Variants in PLA2G4C observed in about 807,000 individuals in gnomAD.
PLA2G4C encodes cytosolic phospholipase A2 gamma.
In PLA2G4C, 64 loss-of-function variants were observed where a neutral mutation model predicts 73.8. That is an observed-to-expected ratio of 0.87 (90% CI 0.71 to 1.07). The LOEUF is 1.07. Ranked by LOEUF, PLA2G4C falls within the 50% of genes least tolerant of loss-of-function variation. The pLI is 0.00. For missense variants in PLA2G4C, 622 were observed against 665.4 expected, an observed-to-expected ratio of 0.93 and a Z score of 0.72; for synonymous variants, 254 against 252.1, an observed-to-expected ratio of 1.01 and a Z score of -0.07.
chr19:48,079,913 A>T (rs150988102), intron 10 of PLA2G4C, among the ~76,000 whole-genome samples: 236 of 152,350 alleles, frequency 1.5e-3, no homozygotes, highest in Non-Finnish European at 2.7e-3. Flanking sequence ...GTGAGCCGAG[A>T]TCGTGCTGCT....
chr19:48,083,921 G>A (rs380277), intron 10 of PLA2G4C, among the ~76,000 whole-genome samples: 9,876 of 152,038 alleles, frequency 0.065, 643 homozygotes, highest in African/African-American at 0.17. Context: ...CAGTTACATA[G>A]GTGAGTCACG....
intron 7 of PLA2G4C, among the ~76,000 whole-genome samples, chr19:48,093,837 G>A (rs1050673605): frequency 7.9e-5 from 12 of 152,300 alleles, no homozygotes; most frequent in Middle Eastern, 3.4e-3. Context: ...TGCTGTACTC[G>A]TGATAGCGAG....
intron 2 of PLA2G4C, among the ~76,000 whole-genome samples, chr19:48,105,947 C>CTTCTTTCTTTCTTTCCTTCTTTCT (rs1568457734): frequency 1.1e-4 from 1 of 9,164 alleles, no homozygotes; most frequent in African/African-American, 7.8e-4. Context: ...CCCTCCCTCC[C>CTTCTTTCTTTCTTTCCTTCTTTCT]TTCTTTCTTT....
At chr19:48,068,047 T>C in intron 12 of PLA2G4C, 161 bp from the exon 13 acceptor site, 1 of 629,966 alleles carries the variant, frequency 1.6e-6, no homozygotes, top group Admixed American at 2.5e-5. Flanking sequence ...CTCACGCCAG[T>C]CATCCCAGCA....
chr19:48,107,871 A>C (rs2032310455), intron 1 of PLA2G4C, among the ~76,000 whole-genome samples: 2 of 152,356 alleles, frequency 1.3e-5, no homozygotes, highest in South Asian at 4.1e-4. Context: ...TAAAAGAAAT[A>C]ATGACATAAG....
chr19:48,110,210 G>A (rs1187684522), intron 1 of PLA2G4C, among the ~76,000 whole-genome samples: 1 of 151,462 alleles, frequency 6.6e-6, no homozygotes, highest in African/African-American at 2.4e-5. Context: ...GCCGGGTGTG[G>A]TGGTGTGCGC....
At chr19:48,060,039 G>C (rs995021637) in intron 14 of PLA2G4C, among the ~76,000 whole-genome samples, 2 of 151,926 alleles carry the variant, frequency 1.3e-5, no homozygotes, top group Admixed American at 1.3e-4. Flanking sequence ...AAAATGCTGA[G>C]ATTACAGGCG....
At chr19:48,061,811 T>G in intron 14 of PLA2G4C, 187 bp downstream of exon 14, 1 of 622,180 alleles carries the variant, frequency 1.6e-6, no homozygotes, top group Non-Finnish European at 2.8e-6. Context: ...GGATCAGAAG[T>G]TCGTTGGATG....
intron 12 of PLA2G4C, among the ~76,000 whole-genome samples, chr19:48,071,141 C>G (rs1018640969): frequency 2.6e-5 from 4 of 152,138 alleles, no homozygotes; most frequent in Non-Finnish European, 4.4e-5. Flanking sequence ...TCTGAAGAAA[C>G]CTAACACATC....
At chr19:48,052,276 A>C (rs1967756392) in intron 16 of PLA2G4C, 1 of 152,056 alleles carries the variant, frequency 6.6e-6, no homozygotes, top group Non-Finnish European at 1.5e-5. Flanking sequence ...TCCCCACCCA[A>C]ATCTCATCTC....
chr19:48,071,821 C>A (rs754584946), intron 12 of PLA2G4C, among the ~76,000 whole-genome samples: 2 of 151,956 alleles, frequency 1.3e-5, no homozygotes, highest in Non-Finnish European at 1.5e-5. Flanking sequence ...CCAGGCTAGT[C>A]TTGAATACCT....
intron 10 of PLA2G4C, among the ~76,000 whole-genome samples, chr19:48,078,811 G>A (rs760823815): frequency 6.6e-6 from 1 of 151,278 alleles, no homozygotes; most frequent in Non-Finnish European, 1.5e-5. Flanking sequence ...CAATCTACAA[G>A]TCCAGTGTAA....
At chr19:48,053,859 A>G (rs1967824642) in intron 15 of PLA2G4C, among the ~76,000 whole-genome samples, 1 of 152,166 alleles carries the variant, frequency 6.6e-6, no homozygotes, top group Admixed American at 6.6e-5. Flanking sequence ...GAAGTGGCAC[A>G]ATCAGGCCCC....
Position 48,104,739 on chromosome 19 carries a change from G to A in PLA2G4C, c.121-15C>T, listed in dbSNP as rs2032083146. On this transcript the variant is annotated splice_polypyrimidine_tract_variant and intron_variant, in intron 3 of 16. Transcript: ENST00000599921. ...ACAACTGGGGCCTAGGCATTGGGGA[G>A]AAAATCGATCAGAGGTTTAGAGCCT... 6.2e-7 allele frequency: 1 copy of A among 1,613,382 alleles called. No individual in the cohort carries two copies. Among genetic ancestry groups the A allele is most frequent in the Non-Finnish European group, 8.5e-7 (1 of 1,179,714 alleles).
In PLA2G4C at chr19:48,110,559, G is replaced by GCTCCGGAATCCGGTGCGGAGGCGTGGT; in HGVS notation, c.-106_-105insACCACGCCTCCGCACCGGATTCCGGAG. The GCTCCGGAATCCGGTGCGGAGGCGTGGT allele has an allele frequency of 6.7e-7, 1 of 1,483,720 alleles. No homozygotes were observed. Among genetic ancestry groups the GCTCCGGAATCCGGTGCGGAGGCGTGGT allele is most frequent in the Admixed American group, 2.2e-5 (1 of 46,462 alleles). The allele number at this position is 1,483,720 out of a possible 1,614,324, so 91.9% of individuals were successfully genotyped here. A position where few individuals can be genotyped will look rare whatever the true frequency, so the allele number is the denominator to read the frequency against. ...TCCGGAATCCGGTGCGGAGGCTTGG[G>GCTCCGGAATCCGGTGCGGAGGCGTGGT]CTCCCTGCGCTTAGCGGTGTAGTCG... is the stretch of plus-strand genomic sequence containing the variant. On this transcript the variant is annotated 5_prime_UTR_variant, in exon 1 of 17. Coordinates refer to ENST00000599921, the MANE Select transcript of PLA2G4C (RefSeq NM_003706.3).
chr19:48,048,412 G>T (rs777847878), intron 16 of PLA2G4C, 24 bp from the exon 17 acceptor site: 8 of 1,566,306 alleles, frequency 5.1e-6, no homozygotes, highest in Non-Finnish European at 6.9e-6. Context: ...AAAGTTAGAA[G>T]TTACCACTGT....
chr19:48,070,019 T>C (rs7248052), intron 12 of PLA2G4C, among the ~76,000 whole-genome samples: 90,396 of 151,674 alleles, frequency 0.6, 27,438 homozygotes, highest in East Asian at 0.86. Context: ...ATTCACCCAC[T>C]TCGGCCTCCC....
chr19:48,057,102 A>G (rs1409691227), intron 14 of PLA2G4C, among the ~76,000 whole-genome samples: 1 of 152,158 alleles, frequency 6.6e-6, no homozygotes, highest in Non-Finnish European at 1.5e-5. Context: ...TACCTATGGA[A>G]CAAACCTGTA....
chr19:48,100,669 G>A (rs953316672), intron 4 of PLA2G4C, among the ~76,000 whole-genome samples: 178 of 146,988 alleles, frequency 1.2e-3, no homozygotes, highest in Non-Finnish European at 1.3e-3. Context: ...TAGCACTTTG[G>A]GAGGCCAAGG....
Sources: gnomAD v4.1 joint callset for allele counts (sites outside exome capture counted in the v4.1 genomes callset) on GRCh38, gnomAD v4.1.1 for gene constraint, MANE v1.5 for transcripts, NCBI Gene and HGNC (gene_info 2026-07-23, HGNC 2026-07-21) for gene names.